ZMAT4: variants seen among roughly 807,000 people sequenced by gnomAD.
ZMAT4 encodes zinc finger matrin-type protein 4.
ZMAT4 carries 17 observed loss-of-function variants against 28.7 expected under a neutral mutation model. The observed-to-expected ratio is 0.59, with a 90% CI of 0.41 to 0.89. ZMAT4 has a LOEUF of 0.89. Among genes scored for constraint, ZMAT4 ranks in the 40% least tolerant of loss-of-function variants. ZMAT4 has a pLI of 0.00. For missense variants in ZMAT4, 240 were observed against 283.8 expected, an observed-to-expected ratio of 0.85 and a Z score of 1.11; for synonymous variants, 117 against 109.2, an observed-to-expected ratio of 1.07 and a Z score of -0.44.
Position 40,857,091 on chromosome 8 carries a change from A to T in ZMAT4, c.-4-31411T>A, listed in dbSNP as rs190983693. ...AGGAAGCTACCTGGGCAATACCAGG[A>T]GCCTGGTTACCTGGAGGGAGGGAGG... On this transcript the variant is annotated intron_variant, in intron 1 of 6. Coordinates refer to ENST00000297737, the MANE Select transcript of ZMAT4 (RefSeq NM_024645.3). Among the ~76,000 whole-genome samples, 4 of 152,326 alleles carry T rather than the reference A, an allele frequency of 2.6e-5. No individual in the cohort carries two copies. The East Asian group carries it at 7.7e-4, about 29-fold the overall frequency.
chr8:40,862,071 T>C (rs1817513102), intron 1 of ZMAT4, among the ~76,000 whole-genome samples: 1 of 152,124 alleles, frequency 6.6e-6, no homozygotes. Context: ...CATTACTGGG[T>C]ATATACCCAA....
At chr8:40,774,801 A>G (rs1813524625) in intron 2 of ZMAT4, among the ~76,000 whole-genome samples, 1 of 152,134 alleles carries the variant, frequency 6.6e-6, no homozygotes, top group Non-Finnish European at 1.5e-5. Context: ...GAAATGTACA[A>G]AAGGATTAGC....
chr8:40,740,153 T>C (rs763608825), intron 3 of ZMAT4, among the ~76,000 whole-genome samples: 14 of 152,350 alleles, frequency 9.2e-5, no homozygotes, highest in Non-Finnish European at 2.1e-4. Flanking sequence ...CCTTTGGGTA[T>C]ACACCCAGTA....
At chr8:40,837,185 G>A (rs537562400) in intron 1 of ZMAT4, among the ~76,000 whole-genome samples, 3 of 152,188 alleles carry the variant, frequency 2.0e-5, no homozygotes, top group African/African-American at 7.2e-5. Context: ...CTGATGAAAT[G>A]TGCACAAAAA....
intron 5 of ZMAT4, among the ~76,000 whole-genome samples, chr8:40,584,795 G>A (rs530855362): frequency 5.3e-5 from 8 of 152,042 alleles, no homozygotes; most frequent in East Asian, 3.9e-4. Context: ...CACCATGCCC[G>A]GCTAATTTTT....
chr8:40,626,659 A>T (rs1412349310), intron 5 of ZMAT4, among the ~76,000 whole-genome samples: 1 of 152,174 alleles, frequency 6.6e-6, no homozygotes, highest in South Asian at 2.1e-4. Context: ...TAACATTGAG[A>T]AACAGACTAG....
chr8:40,587,070 G>C (rs1444345409), intron 5 of ZMAT4, among the ~76,000 whole-genome samples: 1 of 150,746 alleles, frequency 6.6e-6, no homozygotes, highest in Non-Finnish European at 1.5e-5. Context: ...GAGGCCCAGA[G>C]TGGAAATGGG....
At chr8:40,734,268 G>C (rs375322863) in intron 3 of ZMAT4, among the ~76,000 whole-genome samples, 4 of 152,240 alleles carry the variant, frequency 2.6e-5, no homozygotes, top group African/African-American at 7.2e-5. Flanking sequence ...CTAAGTACCT[G>C]TAACACCCCA....
intron 3 of ZMAT4, among the ~76,000 whole-genome samples, chr8:40,738,661 G>A (rs1391120734): frequency 3.3e-5 from 5 of 152,178 alleles, no homozygotes; most frequent in African/African-American, 2.4e-5. Flanking sequence ...GAAAGTCCTT[G>A]CGCGAAGAGA....
intron 1 of ZMAT4, among the ~76,000 whole-genome samples, chr8:40,836,019 C>T (rs1045174132): frequency 1.6e-4 from 25 of 152,206 alleles, no homozygotes; most frequent in Non-Finnish European, 1.0e-4. Flanking sequence ...AAGGGACTCA[C>T]TATCCAGTTT....
chr8:40,879,660 A>G (rs922771792), intron 1 of ZMAT4, among the ~76,000 whole-genome samples: 1 of 152,258 alleles, frequency 6.6e-6, no homozygotes, highest in African/African-American at 2.4e-5. Flanking sequence ...ATAAAAATGA[A>G]TAAAGACTCA....
At chr8:40,650,884 G>T (rs201866597) in intron 5 of ZMAT4, among the ~76,000 whole-genome samples, 11,368 of 151,678 alleles carry the variant, frequency 0.075, 848 homozygotes, top group East Asian at 0.42. Flanking sequence ...CAACCCTTCA[G>T]GCTGAAAACT....
chr8:40,732,796 C>T (rs1334544300), intron 3 of ZMAT4, among the ~76,000 whole-genome samples: 10 of 148,920 alleles, frequency 6.7e-5, no homozygotes, highest in Non-Finnish European at 1.2e-4. Context: ...ACACTGGGAA[C>T]CAGGGACATC....
intron 2 of ZMAT4, among the ~76,000 whole-genome samples, chr8:40,799,138 G>A (rs1814719975): frequency 8.1e-6 from 1 of 123,510 alleles, no homozygotes; most frequent in African/African-American, 3.1e-5. Flanking sequence ...GAGAAGGATA[G>A]ATGGCTGGCT....
intron 5 of ZMAT4, among the ~76,000 whole-genome samples, chr8:40,603,535 T>C (rs1805471554): frequency 6.6e-6 from 1 of 152,266 alleles, no homozygotes; most frequent in Non-Finnish European, 1.5e-5. Flanking sequence ...ATTTTCACAA[T>C]ACTGATTCTA....
chr8:40,883,549 G>A (rs1330694934), intron 1 of ZMAT4, among the ~76,000 whole-genome samples: 1 of 152,176 alleles, frequency 6.6e-6, no homozygotes, highest in African/African-American at 2.4e-5. Flanking sequence ...CACAACCGTA[G>A]GTAAGTCCCT....
At chr8:40,884,357 G>A (rs552667553) in intron 1 of ZMAT4, among the ~76,000 whole-genome samples, 3 of 151,420 alleles carry the variant, frequency 2.0e-5, no homozygotes, top group East Asian at 3.9e-4. Flanking sequence ...CAAACATCCC[G>A]CTACTTTTCC....
chr8:40,651,575 T>G lies in ZMAT4; in HGVS notation c.577+23129A>C, dbSNP rs1278369933. On this transcript the variant is annotated intron_variant, in intron 5 of 6. Coordinates refer to ENST00000297737, the MANE Select transcript of ZMAT4 (RefSeq NM_024645.3). ...CTTTCTTCACAGAATTGGAAAAAAC[T>G]ACTTTAAAGTTCATATGGAACCAAA... is the stretch of plus-strand genomic sequence containing the variant. 6.8e-5 allele frequency among the ~76,000 whole-genome samples: 10 copies of G among 146,882 alleles called. No individual in the cohort carries two copies. In the Admixed American group the frequency reaches 6.8e-4, roughly 10 times the overall value.
chr8:40,606,856 C>A (rs1194475741), intron 5 of ZMAT4, among the ~76,000 whole-genome samples: 1 of 152,144 alleles, frequency 6.6e-6, no homozygotes, highest in African/African-American at 2.4e-5. Context: ...TATGTTTGGT[C>A]ATCTAACATA....
Sources: allele counts gnomAD v4.1 joint callset (sites outside exome capture counted in the v4.1 genomes callset), GRCh38; gene constraint gnomAD v4.1.1; transcripts MANE v1.5; gene names NCBI Gene and HGNC (gene_info 2026-07-23, HGNC 2026-07-21).